NLK: variants seen among roughly 807,000 people sequenced by gnomAD.
The protein encoded by NLK is serine/threonine-protein kinase NLK.
In NLK, 11 loss-of-function variants were observed where a neutral mutation model predicts 59.0. That is an observed-to-expected ratio of 0.19 (90% CI 0.12 to 0.31). NLK has a LOEUF of 0.31. Among genes scored for constraint, NLK ranks in the 10% least tolerant of loss-of-function variants. The pLI, the probability that NLK is intolerant of heterozygous loss-of-function variation, is 1.00. For synonymous variants in NLK, 235 were observed against 235.9 expected, an observed-to-expected ratio of 1.00 and a Z score of 0.03; for missense variants, 410 against 661.1, an observed-to-expected ratio of 0.62 and a Z score of 4.16.
At chr17:28,071,164 G>A (rs980768239) in intron 1 of NLK, among the ~76,000 whole-genome samples, 13 of 152,132 alleles carry the variant, frequency 8.5e-5, no homozygotes, top group African/African-American at 3.1e-4. Flanking sequence ...TGTCCCCTAG[G>A]GAACAAAGTC....
intron 1 of NLK, among the ~76,000 whole-genome samples, chr17:28,076,779 G>C (rs937938179): frequency 6.6e-6 from 1 of 152,130 alleles, no homozygotes; most frequent in Non-Finnish European, 1.5e-5. Flanking sequence ...GAGAGGGTTA[G>C]TATCATTGGT....
intron 7 of NLK, among the ~76,000 whole-genome samples, chr17:28,184,037 A>G (rs1337219849): frequency 6.6e-6 from 1 of 152,216 alleles, no homozygotes; most frequent in Non-Finnish European, 1.5e-5. Context: ...GAAGCTTTAT[A>G]AGCTCTATGG....
At chr17:28,153,862 G>A (rs1250881199) in intron 3 of NLK, among the ~76,000 whole-genome samples, 3 of 152,006 alleles carry the variant, frequency 2.0e-5, no homozygotes, top group South Asian at 4.2e-4. Flanking sequence ...ACATACTAGC[G>A]GGTTAACATC....
chr17:28,051,923 T>C (rs1189872427), intron 1 of NLK, among the ~76,000 whole-genome samples: 1 of 152,158 alleles, frequency 6.6e-6, no homozygotes, highest in East Asian at 1.9e-4. Context: ...TCTAAAATTG[T>C]TTAAAGGAGG....
chr17:28,106,692 A>G (rs1905126041), intron 1 of NLK, among the ~76,000 whole-genome samples: 1 of 152,230 alleles, frequency 6.6e-6, no homozygotes, highest in Non-Finnish European at 1.5e-5. Context: ...GCATCCTCAG[A>G]TTATGGTGCA....
chr17:28,163,317 A>T (rs1009082533), intron 4 of NLK, among the ~76,000 whole-genome samples: 1 of 152,222 alleles, frequency 6.6e-6, no homozygotes, highest in East Asian at 1.9e-4. Flanking sequence ...TAATTGTTTA[A>T]ATTATAGACA....
At chr17:28,141,227 A>T (rs180881591) in intron 3 of NLK, among the ~76,000 whole-genome samples, 2 of 152,336 alleles carry the variant, frequency 1.3e-5, no homozygotes, top group Admixed American at 1.3e-4. Flanking sequence ...CGTAAAAAGT[A>T]CTCAGAAACA....
intron 1 of NLK, among the ~76,000 whole-genome samples, chr17:28,085,264 A>G (rs1169811615): frequency 6.6e-6 from 1 of 152,204 alleles, no homozygotes; most frequent in Non-Finnish European, 1.5e-5. Flanking sequence ...AGTTTACATC[A>G]ACCAGCAGAA....
At chr17:28,086,771 G>A (rs1025719300) in intron 1 of NLK, among the ~76,000 whole-genome samples, 2 of 151,660 alleles carry the variant, frequency 1.3e-5, no homozygotes, top group South Asian at 2.1e-4. Context: ...GGTGGCTCAC[G>A]CCTATAATCC....
chr17:28,116,707 T>G (rs956296426), intron 1 of NLK, among the ~76,000 whole-genome samples: 7 of 152,226 alleles, frequency 4.6e-5, no homozygotes, highest in Non-Finnish European at 7.3e-5. Context: ...TCAAATGTTT[T>G]CTATCCTTAT....
At chr17:28,188,531 G>A (rs1263267543) in intron 8 of NLK, among the ~76,000 whole-genome samples, 1 of 152,194 alleles carries the variant, frequency 6.6e-6, no homozygotes, top group African/African-American at 2.4e-5. Flanking sequence ...AGGCTGGAAT[G>A]CAGTGGCACG....
chr17:28,204,330 T>C, the NLK span, among the ~76,000 whole-genome samples: 3 of 152,198 alleles, frequency 2.0e-5, no homozygotes, highest in African/African-American at 7.2e-5. Flanking sequence ...TTATGTGTTG[T>C]GGACAGGGCC....
chr17:28,096,829 T>C (rs776483093), intron 1 of NLK, among the ~76,000 whole-genome samples: 1 of 152,202 alleles, frequency 6.6e-6, no homozygotes, highest in Non-Finnish European at 1.5e-5. Context: ...AAGAAATCCC[T>C]TACTACTGGC....
intron 2 of NLK, among the ~76,000 whole-genome samples, chr17:28,128,928 T>C (rs1266368421): frequency 6.6e-6 from 1 of 152,192 alleles, no homozygotes; most frequent in Non-Finnish European, 1.5e-5. Context: ...TCTGAATAAG[T>C]ACTTTGTGAT....
At chr17:28,136,361 A>G (rs1324606299) in intron 3 of NLK, among the ~76,000 whole-genome samples, 5 of 152,216 alleles carry the variant, frequency 3.3e-5, no homozygotes, top group Non-Finnish European at 7.3e-5. Flanking sequence ...GCATTTTCCA[A>G]TAGTGGTGTC....
intron 1 of NLK, among the ~76,000 whole-genome samples, chr17:28,051,622 G>T (rs1189987665): frequency 6.6e-6 from 1 of 150,890 alleles, no homozygotes; most frequent in Non-Finnish European, 1.5e-5. Flanking sequence ...CTCCCAAAGT[G>T]CTGGGATTAC....
At chr17:28,176,158 A>G (rs1163934941) in intron 7 of NLK, among the ~76,000 whole-genome samples, 2 of 152,220 alleles carry the variant, frequency 1.3e-5, no homozygotes, top group Non-Finnish European at 2.9e-5. Flanking sequence ...ATCCTCAGTG[A>G]TGCTGCTTAG....
At chr17:28,091,481 A>T (rs1904491779) in intron 1 of NLK, among the ~76,000 whole-genome samples, 1 of 150,862 alleles carries the variant, frequency 6.6e-6, no homozygotes, top group Non-Finnish European at 1.5e-5. Flanking sequence ...ATATTTATAT[A>T]TATATATATA....
intron 3 of NLK, among the ~76,000 whole-genome samples, chr17:28,149,155 G>A (rs988699090): frequency 6.6e-6 from 1 of 152,096 alleles, no homozygotes; most frequent in African/African-American, 2.4e-5. Flanking sequence ...CGAACTCCTG[G>A]GCTTAAACTT....
Sources: gnomAD v4.1 joint callset for allele counts (sites outside exome capture counted in the v4.1 genomes callset) on GRCh38, gnomAD v4.1.1 for gene constraint, MANE v1.5 for transcripts, NCBI Gene and HGNC (gene_info 2026-07-23, HGNC 2026-07-21) for gene names.